ANKRD29: variants seen among roughly 807,000 people sequenced by gnomAD.
ANKRD29 encodes ankyrin repeat domain-containing protein 29.
ANKRD29 carries 32 observed loss-of-function variants against 38.0 expected under a neutral mutation model. The observed-to-expected ratio is 0.84, with a 90% CI of 0.64 to 1.13. The LOEUF (loss-of-function observed/expected upper bound fraction) is 1.13, where lower values mean the gene tolerates loss of function less well. Ranked by LOEUF, ANKRD29 falls within the 50% of genes most tolerant of loss-of-function variation. The pLI is 0.00. For synonymous variants in ANKRD29, 135 were observed against 152.4 expected, an observed-to-expected ratio of 0.89 and a Z score of 0.84; for missense variants, 357 against 377.9, an observed-to-expected ratio of 0.94 and a Z score of 0.46.
rs973495124 is a variant in ANKRD29 at position 23,622,183 on chromosome 18, T to C, written c.529-2554A>G. Among the ~76,000 whole-genome samples, 6 of 152,056 alleles carry C rather than the reference T, an allele frequency of 3.9e-5. No homozygotes were observed. In the East Asian group the frequency reaches 1.2e-3, roughly 29 times the overall value. ...GAAGAAGGACCAGGATTTTGCTAGG[T>C]GTGAGAAAGGGGAAGGGTCGTTTGA... On this transcript the variant is annotated intron_variant, in intron 6 of 9. Transcript: ENST00000592179.
At chr18:23,633,732 G>A (rs960787951) in intron 5 of ANKRD29, among the ~76,000 whole-genome samples, 2 of 151,890 alleles carry the variant, frequency 1.3e-5, no homozygotes, top group African/African-American at 4.8e-5. Flanking sequence ...TACCATCCCC[G>A]GCTAAGTTTT....
At chr18:23,609,186 G>A (rs919715279) in intron 9 of ANKRD29, 1 of 151,624 alleles carries the variant, frequency 6.6e-6, no homozygotes, top group Non-Finnish European at 1.5e-5. Flanking sequence ...CATCACTATT[G>A]TAAGACCTAA....
At position 23,660,746 on chromosome 18, in the gene ANKRD29, G is replaced by A. The variant is rs1369832954; in HGVS notation, c.21+1964C>T. Among the ~76,000 whole-genome samples, 5 of 152,366 alleles carry A rather than the reference G, an allele frequency of 3.3e-5. No homozygotes were observed. The East Asian group carries it at 9.6e-4, about 29-fold the overall frequency. On this transcript the variant is annotated intron_variant, in intron 1 of 9. Coordinates refer to ENST00000592179, the MANE Select transcript of ANKRD29 (RefSeq NM_173505.4). ...CGCTTGAACCCGAGAGGCAGAGGTT[G>A]CAGTGAGCCAAGATTGCGCCACTGC...
chr18:23,619,778 C>T, intron 6 of ANKRD29, 149 bp from the exon 7 acceptor site: 1 of 608,340 alleles, frequency 1.6e-6, no homozygotes, highest in East Asian at 3.1e-5. Context: ...ATCCACACCG[C>T]CCAGGAGGCA....
chr18:23,624,730 C>T (rs770516321), intron 6 of ANKRD29, among the ~76,000 whole-genome samples: 1 of 152,026 alleles, frequency 6.6e-6, no homozygotes, highest in Non-Finnish European at 1.5e-5. Flanking sequence ...AGTGAGTTCT[C>T]CATGCCTAGA....
At chr18:23,638,251 C>T (rs901090541) in intron 4 of ANKRD29, among the ~76,000 whole-genome samples, 55 of 152,230 alleles carry the variant, frequency 3.6e-4, no homozygotes, top group African/African-American at 1.2e-3. Flanking sequence ...CCCCCTGCCT[C>T]GGCCTCCCAA....
At chr18:23,638,826 C>A in intron 4 of ANKRD29, 23 bp downstream of exon 4, 1 of 1,580,646 alleles carries the variant, frequency 6.3e-7, no homozygotes, top group Admixed American at 1.8e-5. Context: ...CAACATAATA[C>A]AAAATCAAGA....
intron 7 of ANKRD29, 31 bp from the exon 8 acceptor site, chr18:23,617,858 T>G (rs1461727021): frequency 6.4e-7 from 1 of 1,570,294 alleles, no homozygotes; most frequent in South Asian, 1.1e-5. Context: ...AAAAGTTGAT[T>G]ATTAACATAT....
chr18:23,599,444 T>G lies in ANKRD29; in HGVS notation c.*1782A>C, dbSNP rs2059488423. 6.6e-6 allele frequency: 1 copy of G among 152,260 alleles called. No individual in the cohort carries two copies. The highest frequency in any genetic ancestry group is 1.5e-5 in the Non-Finnish European group (1 of 68,040). The allele number at this position is 152,260 out of a possible 1,614,324, so 9.4% of individuals were successfully genotyped here. A position where few individuals can be genotyped will look rare whatever the true frequency, so the allele number is the denominator to read the frequency against. ...TTATCAGTACCCATAACGTTTTGCTTTGTATCAGTGATTAGCAACTATTTT... is the reference window on the plus strand; with the variant it reads ...TTATCAGTACCCATAACGTTTTGCTGTGTATCAGTGATTAGCAACTATTTT... On this transcript the variant is annotated 3_prime_UTR_variant, in exon 10 of 10. Transcript: ENST00000592179.
rs763592745 is a variant in ANKRD29 at position 23,662,724 on chromosome 18, T to G, written c.7A>C (p.Arg3=). Residue 3 remains arginine, a synonymous_variant, in exon 1 of 10, where the codon AGG becomes CGG. Coordinates refer to ENST00000592179, the MANE Select transcript of ANKRD29 (RefSeq NM_173505.4). The stretch of plus-strand genomic sequence containing the variant: ...CGGTCGCTCACCTTGAAGGACATCC[T>G]GCACATGTCCGCGGCCGCCCGAGCG... MC[R]MSFKKETPLA... is the part of the protein sequence containing the mutation. 4.6e-5 allele frequency: 67 copies of G among 1,468,070 alleles called. No homozygotes were observed. Among genetic ancestry groups the G allele is most frequent in the Non-Finnish European group, 5.7e-5 (64 of 1,114,998 alleles). 90.9% of individuals were successfully genotyped at this position (1,468,070 alleles called of 1,614,324 possible). A position where few individuals can be genotyped will look rare whatever the true frequency, so the allele number is the denominator to read the frequency against.
At position 23,612,176 on chromosome 18, in the gene ANKRD29, C is replaced by T. The variant is rs778371497; in HGVS notation, c.738G>A (p.Ala246=). The T allele has an allele frequency of 1.1e-5, 18 of 1,613,392 alleles. No individual in the cohort carries two copies. The highest frequency in any genetic ancestry group is 3.3e-5 in the Admixed American group (2 of 59,914). The change falls in exon 9 of 10, where the codon GCG becomes GCA. Residue 246 remains alanine (A), a synonymous_variant. Coordinates refer to ENST00000592179, the MANE Select transcript of ANKRD29 (RefSeq NM_173505.4). The part of the protein sequence containing the change: ...TLGILKNGTS[A]LHAAVLSGNI... ...TTCCACTGAGCACTGCTGCATGGAG[C>T]GCTGATGTCCCATTCTAAGAGAAAA...
intron 1 of ANKRD29, among the ~76,000 whole-genome samples, chr18:23,660,878 T>A (rs1010605437): frequency 1.3e-5 from 2 of 152,222 alleles, no homozygotes; most frequent in Non-Finnish European, 2.9e-5. Context: ...CACTTGTGGA[T>A]TCTACCCACT....
chr18:23,637,686 C>A (rs2060020082), intron 4 of ANKRD29, among the ~76,000 whole-genome samples: 1 of 152,084 alleles, frequency 6.6e-6, no homozygotes, highest in Admixed American at 6.6e-5. Flanking sequence ...GTGTGAGCCA[C>A]CTTGGCCAGC....
chr18:23,646,357 G>T (rs769476562), intron 2 of ANKRD29, 70 bp from the exon 3 acceptor site: 177 of 1,393,244 alleles, frequency 1.3e-4, no homozygotes, highest in Non-Finnish European at 1.7e-4. Context: ...TAGAGAAGAT[G>T]CTGCAGAGAT....
In ANKRD29 at chr18:23,622,163, A is replaced by G. The variant is rs574274308; in HGVS notation, c.529-2534T>C. ...TGCTATCTGATCCAGGTCTTGAAGA[A>G]GGACCAGGATTTTGCTAGGTGTGAG... On this transcript the variant is annotated intron_variant, in intron 6 of 9. Coordinates refer to ENST00000592179, the MANE Select transcript of ANKRD29 (RefSeq NM_173505.4). 2.6e-5 allele frequency among the ~76,000 whole-genome samples: 4 copies of G among 152,312 alleles called. No homozygotes were observed. In the East Asian group the frequency reaches 7.7e-4, roughly 29 times the overall value.
At chr18:23,630,967 C>CAAAAAAAAAAA (rs35627642) in intron 5 of ANKRD29, among the ~76,000 whole-genome samples, 1 of 89,736 alleles carries the variant, frequency 1.1e-5, no homozygotes, top group African/African-American at 5.0e-5. Context: ...GACCCTGTCT[C>CAAAAAAAAAAA]AAAAAAAAAA....
intron 5 of ANKRD29, among the ~76,000 whole-genome samples, chr18:23,631,537 T>C (rs1284353372): frequency 6.6e-6 from 1 of 152,060 alleles, no homozygotes; most frequent in Non-Finnish European, 1.5e-5. Context: ...TGAGCCACCA[T>C]ATCCAGATGA....
At position 23,642,562 on chromosome 18, in the gene ANKRD29, T is replaced by C. The variant is rs531587634; in HGVS notation, c.232-3615A>G. On this transcript the variant is annotated intron_variant, in intron 3 of 9. Transcript: ENST00000592179. ...TTGGCAGGCATGGGACCTGGGCTGG[T>C]AGGGTGAACCAAGTGCAACCTGCTG... Among the ~76,000 whole-genome samples the C allele has an allele frequency of 2.5e-3, 387 of 152,266 alleles. 3 individuals are homozygous for C. Among genetic ancestry groups the C allele is most frequent in the Non-Finnish European group, 4.0e-3 (271 of 68,006 alleles).
chr18:23,624,181 A>G lies in ANKRD29; in HGVS notation c.529-4552T>C, dbSNP rs533575898. Among the ~76,000 whole-genome samples the G allele has an allele frequency of 7.6e-4, 116 of 151,966 alleles. 5 individuals carry two copies. The South Asian group carries it at 0.023, about 31-fold the overall frequency. On this transcript the variant is annotated intron_variant, in intron 6 of 9. Coordinates refer to ENST00000592179, the MANE Select transcript of ANKRD29 (RefSeq NM_173505.4). Reference sequence around the variant, plus strand: ...TCTACAGCACTTTTTTTAAAAAGGTAATGGCCAGGCATGGTGGTTCACACC... The same window carrying G: ...TCTACAGCACTTTTTTTAAAAAGGTGATGGCCAGGCATGGTGGTTCACACC...
Sources: allele counts gnomAD v4.1 joint callset (sites outside exome capture counted in the v4.1 genomes callset), GRCh38; gene constraint gnomAD v4.1.1; transcripts MANE v1.5; gene names NCBI Gene and HGNC (gene_info 2026-07-23, HGNC 2026-07-21).